MAN2A1: variants seen among roughly 807,000 people sequenced by gnomAD.
MAN2A1 encodes alpha-mannosidase 2.
In MAN2A1, 76 loss-of-function variants were observed where a neutral mutation model predicts 142.6. That is an observed-to-expected ratio of 0.53 (90% confidence interval 0.44 to 0.65). MAN2A1 has a LOEUF of 0.65. MAN2A1 is among the 30% of genes least tolerant of loss of function. The pLI is 0.00. For missense variants in MAN2A1, 1,311 were observed against 1,365.1 expected, an observed-to-expected ratio of 0.96 and a Z score of 0.62; for synonymous variants, 559 against 473.2, an observed-to-expected ratio of 1.18 and a Z score of -2.35.
intron 17 of MAN2A1, among the ~76,000 whole-genome samples, chr5:109,842,836 C>T (rs112022753): frequency 0.035 from 2,632 of 76,224 alleles, 36 homozygotes; most frequent in African/African-American, 0.061. Context: ...GAAAGAGTCT[C>T]GCTCTGTTGC....
chr5:109,696,993 G>A (rs1370523013), intron 1 of MAN2A1, among the ~76,000 whole-genome samples: 1 of 152,144 alleles, frequency 6.6e-6, no homozygotes, highest in South Asian at 2.1e-4. Flanking sequence ...ATAATGGAAC[G>A]TAAAAAAATT....
chr5:109,863,851 T>C (rs1755815843), intron 20 of MAN2A1: 1 of 152,220 alleles, frequency 6.6e-6, no homozygotes, highest in African/African-American at 2.4e-5. Context: ...CATGTGGTCT[T>C]GTGATGACTC....
intron 12 of MAN2A1, among the ~76,000 whole-genome samples, chr5:109,803,727 G>T (rs866996591): frequency 2.4e-4 from 37 of 152,168 alleles, no homozygotes; most frequent in African/African-American, 8.7e-4. Context: ...AAAAGAAGAC[G>T]AGGTGGTGTC....
At chr5:109,798,457 C>T (rs752536599) in intron 12 of MAN2A1, among the ~76,000 whole-genome samples, 4 of 152,136 alleles carry the variant, frequency 2.6e-5, no homozygotes, top group Non-Finnish European at 5.9e-5. Flanking sequence ...GTGTTTAAAA[C>T]GGAACTCCTC....
At chr5:109,696,564 G>A (rs556228070) in intron 1 of MAN2A1, among the ~76,000 whole-genome samples, 1 of 152,284 alleles carries the variant, frequency 6.6e-6, no homozygotes, top group South Asian at 2.1e-4. Context: ...GAATTCTTTC[G>A]TGTTAAGGGC....
In MAN2A1 at chr5:109,770,511, A is replaced by G. The variant is rs1264591798; in HGVS notation, c.1166A>G (p.Glu389Gly). Residue 389 changes from glutamate to glycine, a missense_variant, in exon 7 of 22, where the codon GAA becomes GGA. Around this residue, in one of 3 missense-constraint regions of MAN2A1, gnomAD observed 890 missense variants for 920.5 expected, o/e 0.97. Coordinates refer to ENST00000261483, the MANE Select transcript of MAN2A1 (RefSeq NM_002372.4). ...GGTTGTCCCTGGGGAGTCCCCCCAG[A>G]AACAATACATCCTGGAAATGTCCAA... ...RFGCPWGVPP[E>G]TIHPGNVQSR... 6.2e-7 allele frequency: 1 copy of G among 1,613,948 alleles called. No homozygotes were observed. Among genetic ancestry groups the G allele is most frequent in the Middle Eastern group, 1.7e-4 (1 of 6,060 alleles).
chr5:109,851,778 G>A (rs982822027), intron 19 of MAN2A1, among the ~76,000 whole-genome samples: 2 of 152,094 alleles, frequency 1.3e-5, no homozygotes, highest in African/African-American at 4.8e-5. Context: ...ACTGAGCTAG[G>A]AACCCTGTAA....
chr5:109,792,893 T>C (rs1753770481), intron 12 of MAN2A1, among the ~76,000 whole-genome samples: 1 of 151,982 alleles, frequency 6.6e-6, no homozygotes, highest in African/African-American at 2.4e-5. Context: ...GGGGGAGTGT[T>C]TTAAGATTGA....
Position 109,817,273 on chromosome 5 carries a change from G to A in MAN2A1, c.1944G>A (p.Arg648=). 1 of 1,611,728 alleles carries A rather than the reference G, an allele frequency of 6.2e-7. No homozygotes were observed. The highest frequency in any genetic ancestry group is 8.5e-7 in the Non-Finnish European group (1 of 1,179,016). ...AATAATGAAGCAGCTGTTTTTGCAG[G>A]TACCTTGTGGTCTATAATCCTTTAG... ...KNIIRLSAEP[R]YLVVYNPLEQ... The change falls in exon 13 of 22, where the codon AGG becomes AGA. Residue 648 remains arginine, a splice_region_variant and synonymous_variant. Transcript: ENST00000261483.
intron 8 of MAN2A1, among the ~76,000 whole-genome samples, chr5:109,779,369 T>G (rs917187757): frequency 1.3e-5 from 2 of 152,190 alleles, no homozygotes; most frequent in Admixed American, 1.3e-4. Context: ...TCAAAATGGT[T>G]TTTATTGTCT....
At chr5:109,706,393 C>T (rs937055999) in intron 1 of MAN2A1, among the ~76,000 whole-genome samples, 1 of 152,212 alleles carries the variant, frequency 6.6e-6, no homozygotes, top group African/African-American at 2.4e-5. Flanking sequence ...ATAATACTTT[C>T]TTCACTGCTT....
chr5:109,830,902 G>C (rs1754890066), intron 16 of MAN2A1, among the ~76,000 whole-genome samples: 1 of 152,192 alleles, frequency 6.6e-6, no homozygotes, highest in African/African-American at 2.4e-5. Context: ...GAACTCAGAG[G>C]TTATCTTTGG....
At chr5:109,777,702 T>A (rs1202545149) in intron 8 of MAN2A1, among the ~76,000 whole-genome samples, 1 of 152,128 alleles carries the variant, frequency 6.6e-6, no homozygotes, top group Non-Finnish European at 1.5e-5. Flanking sequence ...CCTTCAACAT[T>A]TAGGTCTATA....
intron 16 of MAN2A1, among the ~76,000 whole-genome samples, chr5:109,829,944 A>G (rs1754862201): frequency 6.6e-6 from 1 of 152,180 alleles, no homozygotes; most frequent in South Asian, 2.1e-4. Flanking sequence ...TTCTTGGACC[A>G]TTGTCTCCAT....
intron 5 of MAN2A1, among the ~76,000 whole-genome samples, chr5:109,761,529 T>C (rs1331482548): frequency 1.3e-5 from 2 of 152,118 alleles, no homozygotes; most frequent in Non-Finnish European, 2.9e-5. Flanking sequence ...TAAAAAGTCA[T>C]TGACTTCCTG....
At chr5:109,764,769 G>A (rs566524884) in intron 5 of MAN2A1, among the ~76,000 whole-genome samples, 3 of 152,054 alleles carry the variant, frequency 2.0e-5, no homozygotes, top group Non-Finnish European at 2.9e-5. Flanking sequence ...TCACTGCAGT[G>A]TTTGATACTG....
At chr5:109,690,608 G>A in intron 1 of MAN2A1, 56 bp downstream of exon 1, 2 of 1,534,826 alleles carry the variant, frequency 1.3e-6, no homozygotes, top group African/African-American at 1.4e-5. Context: ...GCGGGCCCCT[G>A]GTTAGCGGCT....
chr5:109,767,471 T>C, intron 5 of MAN2A1, 64 bp from the exon 6 acceptor site: 2 of 1,361,182 alleles, frequency 1.5e-6, no homozygotes, highest in Admixed American at 1.9e-5. Context: ...TCTGAATGTG[T>C]TGTGACTTCT....
intron 4 of MAN2A1, among the ~76,000 whole-genome samples, chr5:109,740,698 T>C (rs1158541031): frequency 6.6e-6 from 1 of 150,802 alleles, no homozygotes; most frequent in Non-Finnish European, 1.5e-5. Context: ...GGCCCTTCAG[T>C]TTAGGAGCTG....
Sources: allele counts gnomAD v4.1 joint callset (sites outside exome capture counted in the v4.1 genomes callset), GRCh38; gene constraint gnomAD v4.1.1; regional missense constraint gnomAD v4.1.1; transcripts MANE v1.5; gene names NCBI Gene and HGNC (gene_info 2026-07-23, HGNC 2026-07-21).